ARMC9: variants seen among roughly 807,000 people sequenced by gnomAD.
ARMC9 encodes armadillo repeat containing 9.
ARMC9 carries 94 observed loss-of-function variants against 107.0 expected under a neutral mutation model. That is an observed-to-expected ratio of 0.88 (90% confidence interval 0.74 to 1.04). The LOEUF (loss-of-function observed/expected upper bound fraction) is 1.04, where lower values mean the gene tolerates loss of function less well. ARMC9 is among the 50% of genes least tolerant of loss of function. ARMC9 has a pLI of 0.00. For missense variants in ARMC9, 942 were observed against 1,030.1 expected (o/e 0.91, Z 1.17); for synonymous variants, 380 against 396.9 (o/e 0.96, Z 0.51).
chr2:231,242,745 C>T (rs138137218), intron 9 of ARMC9, among the ~76,000 whole-genome samples: 4 of 152,250 alleles, frequency 2.6e-5, no homozygotes, highest in African/African-American at 4.8e-5. Flanking sequence ...TATAAAATCC[C>T]ATTATATCTT....
chr2:231,200,954 G>C lies in ARMC9; in HGVS notation c.-42+2256G>C, dbSNP rs145040162. Among the ~76,000 whole-genome samples the C allele has an allele frequency of 2.1e-3, 313 of 152,294 alleles. 5 individuals are homozygous for C. The highest frequency in any genetic ancestry group is 6.7e-3 in the African/African-American group (278 of 41,566). On this transcript the variant is annotated intron_variant, in intron 1 of 24. Transcript: ENST00000611582. Reference sequence around the variant, plus strand: ...TAGAATCATGAGTCATGTTTGCCTGGGGGGGCAGAGCATACATCAACCACA... The same window carrying C: ...TAGAATCATGAGTCATGTTTGCCTGCGGGGGCAGAGCATACATCAACCACA...
chr2:231,199,476 T>A (rs535528062), intron 1 of ARMC9, among the ~76,000 whole-genome samples: 1 of 152,354 alleles, frequency 6.6e-6, no homozygotes, highest in South Asian at 2.1e-4. Context: ...GTGGTTCTTT[T>A]CAGCCGCTTA....
rs1214094161 is a variant in ARMC9 at position 231,371,643 on chromosome 2, ACT to A, written c.*111_*112del. On this transcript the variant is annotated 3_prime_UTR_variant, in exon 25 of 25. Coordinates refer to ENST00000611582, the MANE Select transcript of ARMC9 (RefSeq NM_001352754.2). ...ATGTGAAGGGACAGTTGTCCACAAG[ACT>A]CTGGGAGCTGAGGGGAGGCCGGCTC... 1.3e-5 allele frequency: 14 copies of A among 1,118,982 alleles called. No individual in the cohort carries two copies. The highest frequency in any genetic ancestry group is 1.6e-5 in the Non-Finnish European group (14 of 885,214). 69.3% of individuals were successfully genotyped at this position (1,118,982 alleles called of 1,614,324 possible). A position where few individuals can be genotyped will look rare whatever the true frequency, so the allele number is the denominator to read the frequency against.
chr2:231,283,319 A>G (rs1449402966), intron 17 of ARMC9, among the ~76,000 whole-genome samples: 1 of 152,220 alleles, frequency 6.6e-6, no homozygotes, highest in Admixed American at 6.5e-5. Context: ...ATACAAACGT[A>G]ACAGTAAGGT....
intron 1 of ARMC9, among the ~76,000 whole-genome samples, chr2:231,202,854 T>C (rs543179626): frequency 6.6e-6 from 1 of 152,220 alleles, no homozygotes; most frequent in Non-Finnish European, 1.5e-5. Context: ...TGGGCCTTAA[T>C]AAGGACATTC....
intron 8 of ARMC9, among the ~76,000 whole-genome samples, chr2:231,236,358 G>T (rs150248040): frequency 4.2e-4 from 64 of 152,116 alleles, no homozygotes; most frequent in African/African-American, 1.3e-3. Flanking sequence ...TAGTACATTG[G>T]CTATGGCCTA....
rs990245262 is a variant in ARMC9, at chr2:231,345,080, G to A, written c.1984G>A (p.Gly662Arg). The A allele has an allele frequency of 6.2e-6, 10 of 1,613,514 alleles. No individual in the cohort carries two copies. The highest frequency in any genetic ancestry group is 1.7e-4 in the Middle Eastern group (1 of 6,060). The change falls in exon 21 of 25, where the codon GGG (glycine) becomes AGG (arginine). Residue 662 changes from glycine to arginine, a missense_variant. Coordinates refer to ENST00000611582, the MANE Select transcript of ARMC9 (RefSeq NM_001352754.2). ...RPVTPGGHRN[G>R]YPVVEDQHTP... The stretch of plus-strand genomic sequence containing the variant: ...CGTCACCCCCGGCGGCCACAGAAAC[G>A]GGTACCCAGTGTAAGTCAGGGCTAA...
chr2:231,353,976 TATATACACACACACAC>T (rs1404527255), intron 21 of ARMC9, among the ~76,000 whole-genome samples: 5 of 125,462 alleles, frequency 4.0e-5, no homozygotes, highest in African/African-American at 2.6e-4. Flanking sequence ...CATATATGTA[TATATACACACACACAC>T]ACACACACAC....
chr2:231,290,277 G>A lies in ARMC9; in HGVS notation c.1627-1076G>A, dbSNP rs190519776. Among the ~76,000 whole-genome samples the A allele has an allele frequency of 3.0e-3, 455 of 152,322 alleles. 3 individuals are homozygous for A. Among genetic ancestry groups the A allele is most frequent in the Non-Finnish European group, 4.0e-3 (271 of 68,030 alleles). On this transcript the variant is annotated intron_variant, in intron 17 of 24. Transcript: ENST00000611582. Reference sequence around the variant, plus strand: ...AATACTGATTTAACTTTTCTAGAAGGTAGTGCTCTGTTTTGGATGATAAGA... The same window carrying A: ...AATACTGATTTAACTTTTCTAGAAGATAGTGCTCTGTTTTGGATGATAAGA...
At chr2:231,313,458 A>G (rs973209300) in intron 19 of ARMC9, among the ~76,000 whole-genome samples, 13 of 152,184 alleles carry the variant, frequency 8.5e-5, no homozygotes, top group South Asian at 2.1e-4. Context: ...GTGTGTTCAC[A>G]TTTTTGACAG....
At chr2:231,244,505 A>G (rs548776957) in intron 9 of ARMC9, among the ~76,000 whole-genome samples, 3 of 151,700 alleles carry the variant, frequency 2.0e-5, no homozygotes, top group South Asian at 2.1e-4. Flanking sequence ...AGCTGGGACT[A>G]TGGGCCTGCA....
Position 231,291,355 on chromosome 2 carries a change from A to C in ARMC9, c.1629A>C (p.Gly543=). ...ATTACTTTCGCCAATACTTCTAGGGAATGGAAGACATCCTACGCTGCTTCA... is the reference window on the plus strand; with the variant it reads ...ATTACTTTCGCCAATACTTCTAGGGCATGGAAGACATCCTACGCTGCTTCA... ...PSIREEARAM[G]MEDILRCFIK... is the part of the protein sequence containing the mutation. Residue 543 remains glycine (G), a splice_region_variant and synonymous_variant, in exon 18 of 25, where the codon GGA becomes GGC. Transcript: ENST00000611582. The C allele has an allele frequency of 6.2e-7, 1 of 1,613,118 alleles. No homozygotes were observed. The highest frequency in any genetic ancestry group is 8.5e-7 in the Non-Finnish European group (1 of 1,179,244).
intron 19 of ARMC9, among the ~76,000 whole-genome samples, chr2:231,329,890 A>G (rs968380065): frequency 2.0e-5 from 3 of 152,126 alleles, no homozygotes; most frequent in Non-Finnish European, 4.4e-5. Flanking sequence ...TTATGTGCAA[A>G]TAGGGATAGT....
chr2:231,228,377 TG>T (rs796886998), intron 7 of ARMC9, among the ~76,000 whole-genome samples: 110 of 152,318 alleles, frequency 7.2e-4, no homozygotes, highest in African/African-American at 2.5e-3. Flanking sequence ...CGGAGCGGCC[TG>T]GGGCCAACTC....
At chr2:231,261,195 G>T (rs1022201049) in intron 11 of ARMC9, among the ~76,000 whole-genome samples, 1 of 152,146 alleles carries the variant, frequency 6.6e-6, no homozygotes, top group Non-Finnish European at 1.5e-5. Flanking sequence ...TCCTGAAAAA[G>T]CAAGGATATT....
intron 7 of ARMC9, among the ~76,000 whole-genome samples, chr2:231,227,617 T>C (rs2034771859): frequency 6.6e-6 from 1 of 152,224 alleles, no homozygotes; most frequent in Non-Finnish European, 1.5e-5. Context: ...TGTTTCTTTT[T>C]AGGGAGTGAA....
At position 231,355,918 on chromosome 2, in the gene ARMC9, C is replaced by T; in HGVS notation, c.2115C>T (p.Ser705=). ...AGGGCAAGCCCAGCACCCCGGAGTC[C>T]TGCGTCTCCTCTTCATGTAAGAATG... ...YREGKPSTPE[S]CVSSSSAIIA... is the part of the protein sequence containing the mutation. The change falls in exon 22 of 25, where the codon TCC becomes TCT. Residue 705 remains serine, a synonymous_variant. Coordinates refer to ENST00000611582, the MANE Select transcript of ARMC9 (RefSeq NM_001352754.2). 2.0e-6 allele frequency: 3 copies of T among 1,535,880 alleles called. No homozygotes were observed. The highest frequency in any genetic ancestry group is 2.6e-6 in the Non-Finnish European group (3 of 1,146,698).
intron 21 of ARMC9, among the ~76,000 whole-genome samples, chr2:231,354,010 C>A (rs1249266045): frequency 6.9e-6 from 1 of 144,990 alleles, no homozygotes; most frequent in East Asian, 1.9e-4. Flanking sequence ...CACACACACA[C>A]ACACACCATA....
intron 19 of ARMC9, among the ~76,000 whole-genome samples, chr2:231,308,421 G>A (rs980037524): frequency 6.6e-6 from 1 of 152,196 alleles, no homozygotes; most frequent in Non-Finnish European, 1.5e-5. Context: ...AGGCTGCAGC[G>A]GGAGTGGGGC....
Sources: allele counts gnomAD v4.1 joint callset (sites outside exome capture counted in the v4.1 genomes callset), GRCh38; gene constraint gnomAD v4.1.1; transcripts MANE v1.5; gene names NCBI Gene and HGNC (gene_info 2026-07-23, HGNC 2026-07-21).